The following PHLDB3 variants were observed in gnomAD, a reference collection of about 807,000 sequenced individuals.
The protein encoded by PHLDB3 is pleckstrin homology-like domain family B member 3.
A neutral mutation model predicts 85.7 loss-of-function variants in PHLDB3; 86 were observed. The ratio of observed to expected loss-of-function variants is 1.00; its 90% CI spans 0.84 to 1.20. PHLDB3 has a LOEUF of 1.20. Ranked by LOEUF, PHLDB3 falls within the 50% of genes most tolerant of loss-of-function variation. The pLI is 0.00. For missense variants in PHLDB3, 995 were observed against 873.0 expected (o/e 1.14, Z -1.76); for synonymous variants, 376 against 349.8 (o/e 1.07, Z -0.83).
chr19:43,479,570 AGGGTGGGGTG>A lies in PHLDB3; in HGVS notation c.1499_1508del (p.Pro500LeufsTer38). 1.4e-5 allele frequency: 2 copies of A among 145,940 alleles called. No individual in the cohort carries two copies. The highest frequency in any genetic ancestry group is 2.4e-5 in the Non-Finnish European group (2 of 84,774). The allele number at this position is 145,940 out of a possible 1,614,324, so 9.0% of individuals were successfully genotyped here. A position where few individuals can be genotyped will look rare whatever the true frequency, so the allele number is the denominator to read the frequency against. ...GGAGATCCAAGATTCGCGGGCCTGG[AGGGTGGGGTG>A]GGGTGGGTGGGGCCTGGGGAGCAAA... On this transcript the variant is annotated frameshift_variant, in exon 14 of 16. Transcript: ENST00000292140. LOFTEE classifies it high-confidence loss of function.
At position 43,475,193 on chromosome 19, in the gene PHLDB3, C is replaced by T. The variant is rs540890031; in HGVS notation, c.*217G>A. The T allele has an allele frequency of 1.1e-3, 624 of 567,790 alleles. 2 individuals carry two copies. The highest frequency in any genetic ancestry group is 0.01 in the African/African-American group (537 of 52,728). The allele number at this position is 567,790 out of a possible 1,614,324, so 35.2% of individuals were successfully genotyped here. A position where few individuals can be genotyped will look rare whatever the true frequency, so the allele number is the denominator to read the frequency against. ...CCTGCAATCTTCCTCCTGCCCCGGG[C>T]AGGGCCTTAGGGGCCGGCGATCCCG... On this transcript the variant is annotated 3_prime_UTR_variant, in exon 16 of 16. Transcript: ENST00000292140.
In PHLDB3 at chr19:43,495,113, G is replaced by A. The variant is rs1237577639; in HGVS notation, c.1035+143C>T. 3 of 571,978 alleles carry A rather than the reference G, an allele frequency of 5.2e-6. No homozygotes were observed. The African/African-American group carries it at 7.7e-5, about 15-fold the overall frequency. 35.4% of individuals were successfully genotyped at this position (571,978 alleles called of 1,614,324 possible). A position where few individuals can be genotyped will look rare whatever the true frequency, so the allele number is the denominator to read the frequency against. ...GGGGCCTGGACTCCTGAGTCTGAGG[G>A]AGGAGGGGCTGGGGCCTGGACTCCT... On this transcript the variant is annotated intron_variant, in intron 8 of 15. Coordinates refer to ENST00000292140, the MANE Select transcript of PHLDB3 (RefSeq NM_198850.4).
At position 43,475,188 on chromosome 19, in the gene PHLDB3, C is replaced by T; in HGVS notation, c.*222G>A. Reference sequence around the variant, plus strand: ...CCGCCCCTGCAATCTTCCTCCTGCCCCGGGCAGGGCCTTAGGGGCCGGCGA... The same window carrying T: ...CCGCCCCTGCAATCTTCCTCCTGCCTCGGGCAGGGCCTTAGGGGCCGGCGA... On this transcript the variant is annotated 3_prime_UTR_variant, in exon 16 of 16. Transcript: ENST00000292140. 2 of 549,920 alleles carry T rather than the reference C, an allele frequency of 3.6e-6. No homozygotes were observed. The allele number at this position is 549,920 out of a possible 1,614,324, so 34.1% of individuals were successfully genotyped here. A position where few individuals can be genotyped will look rare whatever the true frequency, so the allele number is the denominator to read the frequency against.
chr19:43,481,344 C>T (rs531234994), intron 13 of PHLDB3, among the ~76,000 whole-genome samples: 2 of 152,206 alleles, frequency 1.3e-5, no homozygotes, highest in East Asian at 1.9e-4. Flanking sequence ...TTAGGCTGGG[C>T]GTGGTGGCTC....
intron 4 of PHLDB3, among the ~76,000 whole-genome samples, chr19:43,498,232 G>A (rs1274062270): frequency 6.6e-6 from 1 of 152,104 alleles, no homozygotes; most frequent in Non-Finnish European, 1.5e-5. Flanking sequence ...CCAGCTACTC[G>A]GGAGGCTGAG....
chr19:43,490,787 G>T (rs1971295729), intron 9 of PHLDB3, among the ~76,000 whole-genome samples: 1 of 152,178 alleles, frequency 6.6e-6, no homozygotes, highest in South Asian at 2.1e-4. Context: ...TGTAGGAACT[G>T]CATAAGCCAT....
At chr19:43,483,458 T>C (rs1971089584) in intron 13 of PHLDB3, among the ~76,000 whole-genome samples, 3 of 152,052 alleles carry the variant, frequency 2.0e-5, no homozygotes, top group Non-Finnish European at 1.5e-5. Context: ...TTTAAATTTC[T>C]GTAGAGATGA....
chr19:43,498,025 G>T, intron 4 of PHLDB3, 149 bp from the exon 5 acceptor site: 1 of 1,252,112 alleles, frequency 8.0e-7, no homozygotes, highest in Non-Finnish European at 1.1e-6. Flanking sequence ...CTGCCTCACA[G>T]TCAGCACCAA....
intron 13 of PHLDB3, 100 bp downstream of exon 13, chr19:43,486,166 C>A (rs1971149846): frequency 7.1e-7 from 1 of 1,414,388 alleles, no homozygotes; most frequent in Non-Finnish European, 9.2e-7. Flanking sequence ...ATTTTCTGTT[C>A]AATTGGAGGA....
chr19:43,487,827 C>T (rs1599943718), intron 9 of PHLDB3, among the ~76,000 whole-genome samples: 2 of 151,880 alleles, frequency 1.3e-5, no homozygotes, highest in Admixed American at 1.3e-4. Context: ...TGTATAGGGA[C>T]GTGAATTATG....
chr19:43,494,528 A>G lies in PHLDB3; in HGVS notation c.1149+174T>C, dbSNP rs554312784. On this transcript the variant is annotated intron_variant, in intron 9 of 15. Transcript: ENST00000292140. ...TACACAGAAAAAAAATAACAATAAT[A>G]AAGCTGGAGTCATAGGAATAACCCT... Among the ~76,000 whole-genome samples the G allele has an allele frequency of 1.3e-4, 20 of 152,238 alleles. No homozygotes were observed. In the South Asian group the frequency reaches 1.7e-3, roughly 13 times the overall value.
intron 4 of PHLDB3, 33 bp downstream of exon 4, chr19:43,501,701 A>G (rs1313352837): frequency 2.5e-6 from 4 of 1,574,208 alleles, no homozygotes; most frequent in Non-Finnish European, 3.4e-6. Context: ...CAGGAAGGAC[A>G]CTGCTGATGA....
intron 9 of PHLDB3, among the ~76,000 whole-genome samples, chr19:43,491,635 G>A (rs527672034): frequency 6.6e-6 from 1 of 150,714 alleles, no homozygotes; most frequent in East Asian, 1.9e-4. Context: ...CCGAGTAACT[G>A]GGATTATAGG....
At chr19:43,494,624 C>CG in intron 9 of PHLDB3, 78 bp downstream of exon 9, 1 of 1,193,526 alleles carries the variant, frequency 8.4e-7, no homozygotes, top group Non-Finnish European at 1.2e-6. Flanking sequence ...GACCCCAGTT[C>CG]GGGGACTCTG....
chr19:43,491,553 A>G (rs187260504), intron 9 of PHLDB3, among the ~76,000 whole-genome samples: 4 of 150,356 alleles, frequency 2.7e-5, no homozygotes, highest in African/African-American at 9.8e-5. Flanking sequence ...CCAGGCTGTC[A>G]TGCAGTGGTG....
In PHLDB3 at chr19:43,478,110, T is replaced by A. The variant is rs201703639; in HGVS notation, c.1725A>T (p.Lys575Asn). ...YYADKEETKLKGVIYFQAIEE... is the reference protein window; with the variant it reads ...YYADKEETKLNGVIYFQAIEE... ...CAATGGCCTGGAAGTAGATGACACC[T>A]TTGAGCTTGGTCTCTTCCTTGTCTG... Residue 575 changes from lysine (K) to asparagine (N), a missense_variant, in exon 15 of 16, where the codon AAA (lysine) becomes AAT (asparagine). Lys to Asn is a moderately conservative substitution (Grantham distance 94, BLOSUM62 0). Coordinates refer to ENST00000292140, the MANE Select transcript of PHLDB3 (RefSeq NM_198850.4). 1.5e-4 allele frequency: 235 copies of A among 1,613,204 alleles called. 2 individuals carry two copies. Among genetic ancestry groups the A allele is most frequent in the Middle Eastern group, 3.3e-4 (2 of 6,084 alleles).
At chr19:43,500,378 CAG>C (rs774448817) in intron 4 of PHLDB3, among the ~76,000 whole-genome samples, 73 of 152,250 alleles carry the variant, frequency 4.8e-4, no homozygotes, top group Non-Finnish European at 8.4e-4. Flanking sequence ...CTTGCAGAAA[CAG>C]AGGCATGTTC....
intron 4 of PHLDB3, among the ~76,000 whole-genome samples, chr19:43,499,263 C>T (rs781379643): frequency 5.3e-5 from 8 of 152,096 alleles, no homozygotes; most frequent in Middle Eastern, 3.4e-3. Flanking sequence ...AGGACTCTGG[C>T]CTGGTGACCA....
Position 43,475,266 on chromosome 19 carries a change from T to G in PHLDB3, c.*144A>C. 1 of 1,205,106 alleles carries G rather than the reference T, an allele frequency of 8.3e-7. No homozygotes were observed. Among genetic ancestry groups the G allele is most frequent in the South Asian group, 1.6e-5 (1 of 63,632 alleles). The allele number at this position is 1,205,106 out of a possible 1,614,324, so 74.7% of individuals were successfully genotyped here. A position where few individuals can be genotyped will look rare whatever the true frequency, so the allele number is the denominator to read the frequency against. On this transcript the variant is annotated 3_prime_UTR_variant, in exon 16 of 16. Coordinates refer to ENST00000292140, the MANE Select transcript of PHLDB3 (RefSeq NM_198850.4). ...CCAGAACGCAGCAGCTCAGGCCAGCTGAACTGCCGCGCCTGCGGAATTCCC... is the reference window on the plus strand; with the variant it reads ...CCAGAACGCAGCAGCTCAGGCCAGCGGAACTGCCGCGCCTGCGGAATTCCC...
Sources: allele counts gnomAD v4.1 joint callset (sites outside exome capture counted in the v4.1 genomes callset), GRCh38; gene constraint gnomAD v4.1.1; transcripts MANE v1.5; gene names NCBI Gene and HGNC (gene_info 2026-07-23, HGNC 2026-07-21).